BCHE: variants seen among roughly 807,000 people sequenced by gnomAD.
BCHE encodes the protein butyrylcholinesterase.
A neutral mutation model predicts 51.3 loss-of-function variants in BCHE; 48 were observed. The ratio of observed to expected loss-of-function variants is 0.94; its 90% CI spans 0.74 to 1.19. The LOEUF (loss-of-function observed/expected upper bound fraction) is 1.19, where lower values mean the gene tolerates loss of function less well. Ranked by LOEUF, BCHE falls within the 50% of genes most tolerant of loss-of-function variation. The pLI, the probability that BCHE is intolerant of heterozygous loss-of-function variation, is 0.00. For synonymous variants in BCHE, 251 were observed against 238.0 expected, an observed-to-expected ratio of 1.05 and a Z score of -0.50; for missense variants, 847 against 708.2, an observed-to-expected ratio of 1.20 and a Z score of -2.23.
At chr3:165,783,483 G>C (rs1441269292) in intron 3 of BCHE, among the ~76,000 whole-genome samples, 3 of 152,040 alleles carry the variant, frequency 2.0e-5, no homozygotes, top group African/African-American at 7.2e-5. Context: ...AATCACCTTT[G>C]CACTCCCTCA....
chr3:165,816,007 T>C (rs1397650798), intron 2 of BCHE, among the ~76,000 whole-genome samples: 1 of 151,964 alleles, frequency 6.6e-6, no homozygotes, highest in African/African-American at 2.4e-5. Flanking sequence ...TTGTTTCTGA[T>C]TTGTCTTTCA....
chr3:165,806,467 G>A (rs143791969), intron 2 of BCHE, among the ~76,000 whole-genome samples: 238 of 152,170 alleles, frequency 1.6e-3, no homozygotes, highest in African/African-American at 5.4e-3. Flanking sequence ...ATCTGCCAGC[G>A]GTAAGTGGTA....
chr3:165,837,402 A>T lies in BCHE; in HGVS notation c.-97T>A. 7.8e-7 allele frequency: 1 copy of T among 1,289,784 alleles called. No individual in the cohort carries two copies. The highest frequency in any genetic ancestry group is 1.0e-6 in the Non-Finnish European group (1 of 988,826). 79.9% of individuals were successfully genotyped at this position (1,289,784 alleles called of 1,614,324 possible). On this transcript the variant is annotated 5_prime_UTR_variant, in exon 1 of 4. Coordinates refer to ENST00000264381, the MANE Select transcript of BCHE (RefSeq NM_000055.4). The stretch of plus-strand genomic sequence containing the variant: ...AAATGCAGGATGCAGCTGCTGCTCC[A>T]GCCTGTAAATTGGACTGCACTGACA...
chr3:165,827,455 ATAAT>A (rs1023078031), intron 2 of BCHE, among the ~76,000 whole-genome samples: 1 of 151,546 alleles, frequency 6.6e-6, no homozygotes, highest in African/African-American at 2.4e-5. Context: ...TAATAATTAA[ATAAT>A]TAAGTATTAA....
intron 2 of BCHE, among the ~76,000 whole-genome samples, chr3:165,821,432 C>T (rs1324763849): frequency 6.7e-6 from 1 of 148,388 alleles, no homozygotes; most frequent in Non-Finnish European, 1.5e-5. Context: ...GGAATGATTC[C>T]AATTAAAAAA....
intron 2 of BCHE, among the ~76,000 whole-genome samples, chr3:165,789,410 A>G (rs1343902386): frequency 2.0e-5 from 3 of 152,152 alleles, no homozygotes; most frequent in Non-Finnish European, 4.4e-5. Flanking sequence ...AAAGAAAAAG[A>G]CATCAATTGA....
intron 2 of BCHE, among the ~76,000 whole-genome samples, chr3:165,810,115 T>A (rs1714037232): frequency 2.6e-5 from 4 of 152,166 alleles, no homozygotes; most frequent in African/African-American, 9.6e-5. Flanking sequence ...GTTACAGAGT[T>A]GAGATTTATT....
chr3:165,786,571 G>T (rs1712963005), intron 2 of BCHE, among the ~76,000 whole-genome samples: 1 of 151,662 alleles, frequency 6.6e-6, no homozygotes, highest in Non-Finnish European at 1.5e-5. Context: ...ATTGGAAGAA[G>T]AAATTTTTTA....
intron 2 of BCHE, among the ~76,000 whole-genome samples, chr3:165,791,270 G>A (rs569552786): frequency 6.6e-6 from 1 of 151,956 alleles, no homozygotes; most frequent in African/African-American, 2.4e-5. Flanking sequence ...ACTGCAGACT[G>A]GGTGACAGAG....
intron 2 of BCHE, among the ~76,000 whole-genome samples, chr3:165,820,520 A>G (rs1444482164): frequency 1.3e-5 from 2 of 152,068 alleles, no homozygotes; most frequent in African/African-American, 4.8e-5. Flanking sequence ...TGTTATGATA[A>G]CAATAAAATA....
intron 3 of BCHE, among the ~76,000 whole-genome samples, chr3:165,780,125 G>A (rs989479118): frequency 6.6e-6 from 1 of 152,058 alleles, no homozygotes; most frequent in Non-Finnish European, 1.5e-5. Flanking sequence ...ACAACCATTT[G>A]TTCTTTGACA....
At chr3:165,782,505 GT>G (rs1267657746) in intron 3 of BCHE, among the ~76,000 whole-genome samples, 1 of 146,458 alleles carries the variant, frequency 6.8e-6, no homozygotes, top group Non-Finnish European at 1.5e-5. Flanking sequence ...AAAAAAAATC[GT>G]TTTCTCTTCT....
chr3:165,811,947 C>A (rs1560015713), intron 2 of BCHE, among the ~76,000 whole-genome samples: 1 of 151,890 alleles, frequency 6.6e-6, no homozygotes, highest in Non-Finnish European at 1.5e-5. Context: ...ATTTTTACTC[C>A]TTTTGTTCCT....
intron 2 of BCHE, among the ~76,000 whole-genome samples, chr3:165,805,687 C>A (rs1392292287): frequency 6.6e-6 from 1 of 152,016 alleles, no homozygotes. Flanking sequence ...TAATCTTTAC[C>A]AATCTTTTAC....
chr3:165,773,296 C>A lies in BCHE; in HGVS notation c.*86G>T, dbSNP rs1383118214. ...CATTTTTGTTTCAGCTACATAATAA[C>A]TTTTTTAGTAGGTGTGTAAAAAAGC... is the stretch of plus-strand genomic sequence containing the variant. On this transcript the variant is annotated 3_prime_UTR_variant, in exon 4 of 4. Transcript: ENST00000264381. 1 of 1,325,158 alleles carries A rather than the reference C, an allele frequency of 7.5e-7. No homozygotes were observed. The highest frequency in any genetic ancestry group is 1.1e-6 in the Non-Finnish European group (1 of 949,182). The allele number at this position is 1,325,158 out of a possible 1,614,324, so 82.1% of individuals were successfully genotyped here.
chr3:165,832,577 C>T (rs564311385), intron 1 of BCHE, among the ~76,000 whole-genome samples: 16 of 152,116 alleles, frequency 1.1e-4, no homozygotes, highest in Non-Finnish European at 4.4e-5. Context: ...CAGGCATGAG[C>T]CACCGCGCCC....
chr3:165,774,231 C>T (rs201148451), intron 3 of BCHE, among the ~76,000 whole-genome samples: 46 of 152,064 alleles, frequency 3.0e-4, no homozygotes, highest in African/African-American at 1.0e-3. Flanking sequence ...ATGTGTAACC[C>T]GCAAATACAA....
intron 2 of BCHE, among the ~76,000 whole-genome samples, chr3:165,825,180 C>G (rs562598841): frequency 9.2e-5 from 14 of 152,088 alleles, no homozygotes; most frequent in African/African-American, 3.4e-4. Flanking sequence ...TCATTCATAT[C>G]CACACGTATA....
At chr3:165,778,249 T>A (rs2668213) in intron 3 of BCHE, 94,752 of 152,356 alleles carry the variant, frequency 0.62, 32,801 homozygotes, top group East Asian at 0.77. Context: ...ATAAAATAAA[T>A]ATAAGAGAAG....
Sources: gnomAD v4.1 joint callset for allele counts (sites outside exome capture counted in the v4.1 genomes callset) on GRCh38, gnomAD v4.1.1 for gene constraint, MANE v1.5 for transcripts, NCBI Gene and HGNC (gene_info 2026-07-23, HGNC 2026-07-21) for gene names.